The following CLNK variants were observed in gnomAD, a reference collection of about 807,000 sequenced individuals.
CLNK encodes the protein cytokine-dependent hematopoietic cell linker.
In CLNK, 74 loss-of-function variants were observed where a neutral mutation model predicts 68.6. The ratio of observed to expected loss-of-function variants is 1.08; its 90% confidence interval spans 0.89 to 1.31. The LOEUF (loss-of-function observed/expected upper bound fraction) is 1.31, where lower values mean the gene tolerates loss of function less well. CLNK is among the 50% of genes most tolerant of loss of function. The pLI is 0.00. For missense variants in CLNK, 553 were observed against 515.3 expected (o/e 1.07, Z -0.71); for synonymous variants, 198 against 172.2 (o/e 1.15, Z -1.17).
At chr4:10,516,076 G>T (rs973775480) in intron 15 of CLNK, among the ~76,000 whole-genome samples, 13 of 149,266 alleles carry the variant, frequency 8.7e-5, no homozygotes, top group Non-Finnish European at 1.5e-4. Context: ...TTTTTTTTTT[G>T]AAATTTAGAA....
chr4:10,690,243 C>T, the CLNK span, among the ~76,000 whole-genome samples: 134 of 152,232 alleles, frequency 8.8e-4, no homozygotes, highest in Non-Finnish European at 1.6e-3. Context: ...TGCTTCCTGG[C>T]CCAACCACCC....
chr4:10,516,511 T>A (rs898480552), intron 15 of CLNK, among the ~76,000 whole-genome samples: 1 of 151,722 alleles, frequency 6.6e-6, no homozygotes, highest in African/African-American at 2.4e-5. Context: ...CTACTTCTGA[T>A]ACACTGGCAA....
rs1724470074 is a variant in CLNK at position 10,667,861 on chromosome 4, C to T, written c.9G>A (p.Arg3=). ...CACAGTGATCCCACGGTACTTACTG[C>T]CTGTTCATAGTTCTTGGCACCTGGC... The part of the protein sequence containing the change: MN[R]QGNRKTTKEG... Residue 3 remains arginine, a splice_region_variant and synonymous_variant, in exon 2 of 19, where the codon AGG becomes AGA. Coordinates refer to ENST00000226951, the MANE Select transcript of CLNK (RefSeq NM_052964.4). The T allele has an allele frequency of 7.7e-7, 1 of 1,291,502 alleles. No homozygotes were observed. Among genetic ancestry groups the T allele is most frequent in the Non-Finnish European group, 1.0e-6 (1 of 998,426 alleles). The allele number at this position is 1,291,502 out of a possible 1,614,324, so 80.0% of individuals were successfully genotyped here.
At chr4:10,519,550 GC>G (rs1218412991) in intron 15 of CLNK, among the ~76,000 whole-genome samples, 1 of 152,110 alleles carries the variant, frequency 6.6e-6, no homozygotes, top group Non-Finnish European at 1.5e-5. Context: ...GTTTATTTTA[GC>G]CCTCTTTGGG....
intron 1 of CLNK, among the ~76,000 whole-genome samples, chr4:10,680,986 G>GAT (rs372041491): frequency 0.14 from 21,508 of 149,742 alleles, 1,633 homozygotes; most frequent in South Asian, 0.18. Context: ...AGGACGTCCT[G>GAT]ATATATATAT....
intron 10 of CLNK, among the ~76,000 whole-genome samples, chr4:10,541,408 A>AAG (rs147080797): frequency 0.014 from 2,190 of 151,998 alleles, 63 homozygotes; most frequent in African/African-American, 0.05. Context: ...TCTAGCAGGG[A>AAG]AGAGAGAGAG....
Position 10,542,009 on chromosome 4 carries a change from T to A in CLNK, c.491+13A>T. 2 of 1,565,140 alleles carry A rather than the reference T, an allele frequency of 1.3e-6. No homozygotes were observed. The highest frequency in any genetic ancestry group is 1.7e-6 in the Non-Finnish European group (2 of 1,150,524). ...TGTATAGCGAAAAAAAATGCTATTT[T>A]AAAGTGTTTTACCGAGGAGGTGGTA... On this transcript the variant is annotated intron_variant, in intron 10 of 18. Transcript: ENST00000226951.
At chr4:10,546,634 G>C (rs1386047956) in intron 8 of CLNK, among the ~76,000 whole-genome samples, 1 of 152,098 alleles carries the variant, frequency 6.6e-6, no homozygotes, top group African/African-American at 2.4e-5. Context: ...TTTCTATCCT[G>C]CTCCTACAAA....
intron 2 of CLNK, among the ~76,000 whole-genome samples, chr4:10,654,393 A>ATATATG (rs1553863428): frequency 1.5e-5 from 2 of 133,858 alleles, no homozygotes; most frequent in Non-Finnish European, 3.4e-5. Context: ...AAATATATAT[A>ATATATG]TATATATATA....
intron 16 of CLNK, among the ~76,000 whole-genome samples, chr4:10,513,004 G>T (rs986409565): frequency 6.6e-6 from 1 of 152,086 alleles, no homozygotes; most frequent in Non-Finnish European, 1.5e-5. Flanking sequence ...TTAGGGTGGG[G>T]ATCATAACCT....
At chr4:10,565,541 A>AGGCT (rs1720073228) in intron 6 of CLNK, among the ~76,000 whole-genome samples, 1 of 152,160 alleles carries the variant, frequency 6.6e-6, no homozygotes, top group Non-Finnish European at 1.5e-5. Context: ...TGACGCTCTT[A>AGGCT]GGCTGGCTGG....
At chr4:10,643,654 T>C (rs1723401430) in intron 2 of CLNK, among the ~76,000 whole-genome samples, 1 of 152,220 alleles carries the variant, frequency 6.6e-6, no homozygotes, top group Non-Finnish European at 1.5e-5. Flanking sequence ...CTCTCACACA[T>C]GAGACTGTCA....
intron 2 of CLNK, among the ~76,000 whole-genome samples, chr4:10,641,051 T>C (rs1293153152): frequency 3.3e-5 from 5 of 151,934 alleles, no homozygotes; most frequent in Admixed American, 3.3e-4. Flanking sequence ...TGGATCAGAA[T>C]GTAGGATTTT....
intron 2 of CLNK, among the ~76,000 whole-genome samples, chr4:10,621,909 G>A (rs1722474608): frequency 6.6e-6 from 1 of 152,180 alleles, no homozygotes; most frequent in African/African-American, 2.4e-5. Flanking sequence ...TCAGCACTGT[G>A]CCATTTAGCC....
chr4:10,709,262 C>T, the CLNK span, among the ~76,000 whole-genome samples: 6 of 152,200 alleles, frequency 3.9e-5, no homozygotes, highest in African/African-American at 1.4e-4. Flanking sequence ...TTCATATTTA[C>T]TGAGCACCCA....
intron 2 of CLNK, among the ~76,000 whole-genome samples, chr4:10,617,024 A>G (rs1187665691): frequency 2.0e-5 from 3 of 151,966 alleles, no homozygotes; most frequent in East Asian, 3.9e-4. Context: ...TACTGCTCTG[A>G]TCCACATGCT....
the CLNK span, among the ~76,000 whole-genome samples, chr4:10,699,397 C>T: frequency 1.6e-5 from 2 of 121,968 alleles, no homozygotes; most frequent in Non-Finnish European, 3.5e-5. Context: ...GATATAAAAA[C>T]CCATGGATGT....
chr4:10,540,732 T>C, intron 10 of CLNK, 128 bp from the exon 11 acceptor site: 1 of 662,598 alleles, frequency 1.5e-6, no homozygotes. Context: ...TTTTGGATGC[T>C]AACTGCGGAG....
intron 2 of CLNK, among the ~76,000 whole-genome samples, chr4:10,658,735 C>T (rs11734917): frequency 0.43 from 65,451 of 152,014 alleles, 14,741 homozygotes; most frequent in Non-Finnish European, 0.51. Context: ...AGACTATGCA[C>T]GGACCCGACA....
Sources: gnomAD v4.1 joint callset for allele counts (sites outside exome capture counted in the v4.1 genomes callset) on GRCh38, gnomAD v4.1.1 for gene constraint, MANE v1.5 for transcripts, NCBI Gene and HGNC (gene_info 2026-07-23, HGNC 2026-07-21) for gene names.